HROB: variants seen among roughly 807,000 people sequenced by gnomAD.
HROB encodes homologous recombination OB-fold protein.
HROB carries 44 observed loss-of-function variants against 61.0 expected under a neutral mutation model. That is an observed-to-expected ratio of 0.72 (90% CI 0.57 to 0.93). The LOEUF (loss-of-function observed/expected upper bound fraction) is 0.93. HROB is among the 40% of genes least tolerant of loss of function. The pLI is 0.00. For synonymous variants in HROB, 301 were observed against 310.4 expected (o/e 0.97, Z 0.32); for missense variants, 716 against 796.2 (o/e 0.90, Z 1.21).
In HROB at chr17:44,162,184, T is replaced by C; in HGVS notation, c.*252T>C. 4.1e-6 allele frequency: 2 copies of C among 488,670 alleles called. No homozygotes were observed. Among genetic ancestry groups the C allele is most frequent in the Non-Finnish European group, 7.4e-6 (2 of 271,180 alleles). The allele number at this position is 488,670 out of a possible 1,614,324, so 30.3% of individuals were successfully genotyped here. A position where few individuals can be genotyped will look rare whatever the true frequency, so the allele number is the denominator to read the frequency against. On this transcript the variant is annotated 3_prime_UTR_variant, in exon 10 of 10. Transcript: ENST00000585683. ...GGCTCTCCAGCCAACAAGAAAGGCC[T>C]GTCACCCTCGCCTTGGGTGTCCCTC...
At chr17:44,156,360 C>T (rs1183920498) in intron 8 of HROB, among the ~76,000 whole-genome samples, 1 of 151,898 alleles carries the variant, frequency 6.6e-6, no homozygotes, top group Non-Finnish European at 1.5e-5. Context: ...CTCAGCCTCC[C>T]GAACAGCTGG....
chr17:44,149,133 A>G, intron 3 of HROB, 106 bp downstream of exon 3: 1 of 1,161,060 alleles, frequency 8.6e-7, no homozygotes, highest in Non-Finnish European at 1.2e-6. Context: ...GGAAGGAAGG[A>G]AGTGCAGAGA....
chr17:44,155,163 G>C (rs1229091212), intron 7 of HROB, 123 bp from the exon 8 acceptor site: 1 of 1,458,120 alleles, frequency 6.9e-7, no homozygotes, highest in Non-Finnish European at 9.4e-7. Context: ...GTGGCAAATG[G>C]TTCTCTTCTG....
intron 4 of HROB, among the ~76,000 whole-genome samples, chr17:44,152,013 A>AT (rs1231144615): frequency 6.6e-6 from 1 of 151,816 alleles, no homozygotes; most frequent in African/African-American, 2.4e-5. Context: ...TGCCTGGCTA[A>AT]TTTTTGTATT....
At position 44,148,934 on chromosome 17, in the gene HROB, T is replaced by C; in HGVS notation, c.1131T>C (p.Thr377=). 1 of 1,614,186 alleles carries C rather than the reference T, an allele frequency of 6.2e-7. No individual in the cohort carries two copies. Among genetic ancestry groups the C allele is most frequent in the South Asian group, 1.1e-5 (1 of 91,088 alleles). ...IVTNHLVQLV[T]AASRTPQQPT... Reference sequence around the variant, plus strand: ...CCAACCACCTGGTGCAGCTAGTCACTGCTGCCAGCCGGACACCCCAGCAGC... The same window carrying C: ...CCAACCACCTGGTGCAGCTAGTCACCGCTGCCAGCCGGACACCCCAGCAGC... The change falls in exon 3 of 10, where the codon ACT becomes ACC. Residue 377 remains threonine (T), a synonymous_variant. Coordinates refer to ENST00000585683, the MANE Select transcript of HROB (RefSeq NM_001171251.3).
chr17:44,150,429 G>A (rs1251875721), intron 3 of HROB, among the ~76,000 whole-genome samples: 5 of 144,374 alleles, frequency 3.5e-5, no homozygotes, highest in Admixed American at 7.1e-5. Flanking sequence ...TTGCTCTCTC[G>A]TCCAGGCAGG....
In HROB at chr17:44,159,804, A is replaced by G. The variant is rs536468294; in HGVS notation, c.1879+1863A>G. ...ATACTTTCACTAATTCACTACTGCT[A>G]TCTTCCAAGAACTTAAAAGAAGAAC... On this transcript the variant is annotated intron_variant, in intron 9 of 9. Transcript: ENST00000585683. Among the ~76,000 whole-genome samples the G allele has an allele frequency of 2.6e-5, 4 of 152,368 alleles. No homozygotes were observed. The East Asian group carries it at 5.8e-4, about 22-fold the overall frequency.
At chr17:44,142,466 C>CTTTTTTT (rs1156855939) in intron 1 of HROB, among the ~76,000 whole-genome samples, 2 of 137,854 alleles carry the variant, frequency 1.5e-5, no homozygotes, top group Admixed American at 7.3e-5. Flanking sequence ...ACACTTTCTA[C>CTTTTTTT]TTTTTTTTTT....
At chr17:44,156,458 A>G (rs2053971879) in intron 8 of HROB, among the ~76,000 whole-genome samples, 1 of 152,080 alleles carries the variant, frequency 6.6e-6, no homozygotes, top group Non-Finnish European at 1.5e-5. Flanking sequence ...TCCTGACCTC[A>G]GGTGATTGGC....
At chr17:44,143,639 G>A (rs186941170) in intron 1 of HROB, among the ~76,000 whole-genome samples, 15 of 151,276 alleles carry the variant, frequency 9.9e-5, no homozygotes, top group Admixed American at 8.6e-4. Context: ...GCAAGACTCC[G>A]TCTCAGGAAG....
intron 9 of HROB, 68 bp downstream of exon 9, chr17:44,158,009 T>A: frequency 9.0e-7 from 1 of 1,112,766 alleles, no homozygotes; most frequent in Non-Finnish European, 1.3e-6. Flanking sequence ...AACCAGAATC[T>A]TCCTGGCTAT....
chr17:44,150,569 T>G (rs1204970845), intron 3 of HROB, among the ~76,000 whole-genome samples: 1 of 152,030 alleles, frequency 6.6e-6, no homozygotes, highest in Non-Finnish European at 1.5e-5. Flanking sequence ...TTTGTATTTT[T>G]GGTAGAGATG....
At chr17:44,154,387 C>T (rs780455402) in intron 5 of HROB, 169 bp from the exon 6 acceptor site, 1 of 612,886 alleles carries the variant, frequency 1.6e-6, no homozygotes, top group Non-Finnish European at 2.9e-6. Flanking sequence ...CCTCCCAGCT[C>T]TAGGTCTGTC....
intron 2 of HROB, chr17:44,147,643 C>T (rs570971456): frequency 8.1e-6 from 4 of 494,966 alleles, no homozygotes; most frequent in South Asian, 8.1e-5. Flanking sequence ...GCCACGTTGG[C>T]CAGGCTGGTC....
Position 44,162,345 on chromosome 17 carries a change from G to C in HROB, c.*413G>C. 5 of 185,592 alleles carry C rather than the reference G, an allele frequency of 2.7e-5. No homozygotes were observed. The highest frequency in any genetic ancestry group is 2.2e-4 in the South Asian group (2 of 8,988). 11.5% of individuals were successfully genotyped at this position (185,592 alleles called of 1,614,324 possible). ...GCCTGCCCCTCCACACAGGGGAGAA[G>C]CACGCTCAGGCTTCCTCTGCTTTGT... On this transcript the variant is annotated 3_prime_UTR_variant, in exon 10 of 10. Transcript: ENST00000585683.
At chr17:44,157,399 A>G (rs1329676720) in intron 8 of HROB, among the ~76,000 whole-genome samples, 1 of 119,516 alleles carries the variant, frequency 8.4e-6, no homozygotes, top group Non-Finnish European at 1.7e-5. Flanking sequence ...CTCTTCCATC[A>G]TGTTTCTTTT....
At chr17:44,160,377 C>T (rs778462320) in intron 9 of HROB, among the ~76,000 whole-genome samples, 2 of 152,108 alleles carry the variant, frequency 1.3e-5, no homozygotes, top group Non-Finnish European at 2.9e-5. Flanking sequence ...ACCATCCTGA[C>T]TAACATGGTG....
chr17:44,157,295 T>G (rs2053997271), intron 8 of HROB, among the ~76,000 whole-genome samples: 1 of 152,176 alleles, frequency 6.6e-6, no homozygotes, highest in South Asian at 2.1e-4. Flanking sequence ...AAAAGAGGTT[T>G]GTTTTTTGTT....
In HROB at chr17:44,162,263, A is replaced by G; in HGVS notation, c.*331A>G. The G allele has an allele frequency of 3.4e-6, 1 of 290,988 alleles. No homozygotes were observed. The highest frequency in any genetic ancestry group is 4.0e-5 in the South Asian group (1 of 25,300). 18.0% of individuals were successfully genotyped at this position (290,988 alleles called of 1,614,324 possible). On this transcript the variant is annotated 3_prime_UTR_variant, in exon 10 of 10. Coordinates refer to ENST00000585683, the MANE Select transcript of HROB (RefSeq NM_001171251.3). The stretch of plus-strand genomic sequence containing the variant: ...TTGGGCCTGGTTTTCTTGTCCCTTC[A>G]TACCCTAGTCCCTGGACAGCTGAGG...
Sources: allele counts gnomAD v4.1 joint callset (sites outside exome capture counted in the v4.1 genomes callset), GRCh38; gene constraint gnomAD v4.1.1; transcripts MANE v1.5; gene names NCBI Gene and HGNC (gene_info 2026-07-23, HGNC 2026-07-21).